The following BCL9 variants were observed in gnomAD, a reference collection of about 807,000 sequenced individuals.
The protein encoded by BCL9 is B-cell CLL/lymphoma 9 protein.
Under a neutral mutation model 88.5 loss-of-function variants are expected in BCL9, and 25 were observed. The ratio of observed to expected loss-of-function variants is 0.28; its 90% CI spans 0.21 to 0.39. BCL9 has a LOEUF of 0.39. Among genes scored for constraint, BCL9 ranks in the 10% least tolerant of loss-of-function variants. The probability of loss-of-function intolerance (pLI) is 1.00; values close to 1 mark genes in which losing one functional copy is unlikely to be tolerated. For synonymous variants in BCL9, 711 were observed against 673.3 expected, an observed-to-expected ratio of 1.06 and a Z score of -0.87; for missense variants, 1,817 against 1,877.8, an observed-to-expected ratio of 0.97 and a Z score of 0.60.
At chr1:147,581,000 G>A (rs57188402) in intron 1 of BCL9, among the ~76,000 whole-genome samples, 12,849 of 152,104 alleles carry the variant, frequency 0.084, 1,501 homozygotes, top group African/African-American at 0.27. Context: ...GATAACACTG[G>A]TGCTCCTCCC....
intron 1 of BCL9, among the ~76,000 whole-genome samples, chr1:147,596,622 C>T (rs1273880873): frequency 6.6e-6 from 1 of 151,922 alleles, no homozygotes; most frequent in Non-Finnish European, 1.5e-5. Flanking sequence ...ACCGTGTTAG[C>T]CAGGATGGTC....
At chr1:147,576,059 G>A (rs587594321) in intron 1 of BCL9, among the ~76,000 whole-genome samples, 7 of 151,976 alleles carry the variant, frequency 4.6e-5, no homozygotes, top group South Asian at 4.2e-4. Flanking sequence ...GATGCATTGC[G>A]GGGGAATAAG....
chr1:147,580,150 G>A (rs1168913944), intron 1 of BCL9, among the ~76,000 whole-genome samples: 1 of 152,198 alleles, frequency 6.6e-6, no homozygotes, highest in African/African-American at 2.4e-5. Flanking sequence ...AGGTCTTGGG[G>A]AACAGACTCT....
intron 1 of BCL9, among the ~76,000 whole-genome samples, chr1:147,596,411 C>CTTTCT (rs1657051784): frequency 1.1e-3 from 7 of 6,582 alleles, no homozygotes; most frequent in African/African-American, 1.4e-3. Context: ...TCTTTTTTTT[C>CTTTCT]TTTTCTTTTT....
At chr1:147,598,609 G>A (rs1553200715) in intron 1 of BCL9, among the ~76,000 whole-genome samples, 1 of 152,208 alleles carries the variant, frequency 6.6e-6, no homozygotes, top group East Asian at 1.9e-4. Flanking sequence ...ATGGGTGATA[G>A]AAGCAAGAGC....
intron 1 of BCL9, among the ~76,000 whole-genome samples, chr1:147,586,101 C>T (rs941888990): frequency 6.6e-6 from 1 of 152,100 alleles, no homozygotes; most frequent in Admixed American, 6.6e-5. Context: ...AACTGATCAC[C>T]TTCCTAAACT....
intron 1 of BCL9, among the ~76,000 whole-genome samples, chr1:147,588,895 A>G (rs1656728908): frequency 6.6e-6 from 1 of 152,124 alleles, no homozygotes; most frequent in Non-Finnish European, 1.5e-5. Context: ...AACATATTCA[A>G]TCCTTTCCCA....
At chr1:147,601,622 G>A (rs1281321252) in intron 1 of BCL9, among the ~76,000 whole-genome samples, 1 of 152,214 alleles carries the variant, frequency 6.6e-6, no homozygotes, top group Non-Finnish European at 1.5e-5. Context: ...TGTGCAACAT[G>A]ATTGTCCTGT....
chr1:147,614,981 G>A lies in BCL9; in HGVS notation c.560+365G>A, dbSNP rs1008757411. 2.6e-5 allele frequency among the ~76,000 whole-genome samples: 4 copies of A among 151,862 alleles called. No individual in the cohort carries two copies. The South Asian group carries it at 8.3e-4, about 32-fold the overall frequency. On this transcript the variant is annotated intron_variant, in intron 6 of 9. Coordinates refer to ENST00000234739, the MANE Select transcript of BCL9 (RefSeq NM_004326.4). ...AGCCTCTTGATTAGCTGGGATTACA[G>A]GAACCCGTCACTACACCCAGCTAAT... is the stretch of plus-strand genomic sequence containing the variant.
chr1:147,544,294 C>T (rs1225205225), intron 1 of BCL9, among the ~76,000 whole-genome samples: 1 of 152,188 alleles, frequency 6.6e-6, no homozygotes, highest in Admixed American at 6.5e-5. Context: ...GCTAACTGTT[C>T]TCTTTCTCTG....
At chr1:147,614,387 A>AATTTTATTCTTTCTGTGACGAGTC in intron 5 of BCL9, 40 bp from the exon 6 acceptor site, 1 of 1,596,324 alleles carries the variant, frequency 6.3e-7, no homozygotes, top group Non-Finnish European at 8.6e-7. Flanking sequence ...GAAGAAAGGA[A>AATTTTATTCTTTCTGTGACGAGTC]ATTTTATTCT....
chr1:147,624,351 C>G lies in BCL9; in HGVS notation c.3673C>G (p.Arg1225Gly). 6.2e-7 allele frequency: 1 copy of G among 1,614,196 alleles called. No homozygotes were observed. The highest frequency in any genetic ancestry group is 8.5e-7 in the Non-Finnish European group (1 of 1,180,040). ...FTDPDLQEVI[R>G]PGATGIPEFD... ...AGACCCAGATCTGCAGGAGGTCATC[C>G]GACCTGGAGCCACCGGAATACCTGA... is the stretch of plus-strand genomic sequence containing the variant. The change falls in exon 10 of 10, where the codon CGA (arginine) becomes GGA (glycine). Residue 1225 changes from arginine (R) to glycine (G), a missense_variant. Around this residue, in one of 2 missense-constraint regions of BCL9, gnomAD observed 589 missense variants for 686.2 expected, o/e 0.86. Transcript: ENST00000234739. This position sits in a 1 kb window ranked among gnomAD's most constrained non-coding sequence, Gnocchi z 4.4.
In BCL9 at chr1:147,622,278, C is replaced by T. The variant is rs1224548724; in HGVS notation, c.2910C>T (p.Pro970=). The change falls in exon 9 of 10, where the codon CCC becomes CCT. Residue 970 remains proline (P), a synonymous_variant. Transcript: ENST00000234739. ...AMLGNVESGG[P]PPPTASQPAS... ...TATTTTGCTTCCTTTTAGGTGGCCC[C>T]CCACCTCCTACAGCCAGCCAGCCTG... 1.4e-5 allele frequency: 23 copies of T among 1,614,098 alleles called. No homozygotes were observed. Among genetic ancestry groups the T allele is most frequent in the Non-Finnish European group, 1.3e-5 (15 of 1,179,988 alleles).
At chr1:147,565,840 G>A (rs1655571162) in intron 1 of BCL9, among the ~76,000 whole-genome samples, 2 of 152,092 alleles carry the variant, frequency 1.3e-5, no homozygotes, top group African/African-American at 2.4e-5. Context: ...ATAGCTCTTG[G>A]GACATAGTAG....
chr1:147,571,203 T>C (rs1183651069), intron 1 of BCL9, among the ~76,000 whole-genome samples: 1 of 152,130 alleles, frequency 6.6e-6, no homozygotes. Context: ...AACTTTTCAT[T>C]TTTGATTCTG....
At chr1:147,563,144 T>C (rs587620518) in intron 1 of BCL9, among the ~76,000 whole-genome samples, 1 of 152,332 alleles carries the variant, frequency 6.6e-6, no homozygotes, top group South Asian at 2.1e-4. Flanking sequence ...AGAGAGCCGT[T>C]CCTAACCAAT....
intron 1 of BCL9, among the ~76,000 whole-genome samples, chr1:147,595,085 T>G (rs1241698207): frequency 2.6e-5 from 4 of 152,224 alleles, no homozygotes; most frequent in African/African-American, 9.6e-5. Context: ...TGGAAAATGA[T>G]AGCGGCAACA....
rs1287631922 is a variant in BCL9 at position 147,625,868 on chromosome 1, A to C, written c.*909A>C. The C allele has an allele frequency of 4.3e-6, 1 of 233,018 alleles. No individual in the cohort carries two copies. The highest frequency in any genetic ancestry group is 2.2e-5 in the African/African-American group (1 of 45,294). The allele number at this position is 233,018 out of a possible 1,614,324, so 14.4% of individuals were successfully genotyped here. A position where few individuals can be genotyped will look rare whatever the true frequency, so the allele number is the denominator to read the frequency against. ...TAAATCTAGCAAAGCCTCGCCTTCCATGCCGAGCGTCCTCTTGGCTCTGAG... is the reference window on the plus strand; with the variant it reads ...TAAATCTAGCAAAGCCTCGCCTTCCCTGCCGAGCGTCCTCTTGGCTCTGAG... On this transcript the variant is annotated 3_prime_UTR_variant, in exon 10 of 10. Coordinates refer to ENST00000234739, the MANE Select transcript of BCL9 (RefSeq NM_004326.4).
chr1:147,595,253 T>C (rs1338741700), intron 1 of BCL9, among the ~76,000 whole-genome samples: 1 of 152,240 alleles, frequency 6.6e-6, no homozygotes, highest in African/African-American at 2.4e-5. Context: ...ATCTTAGCAT[T>C]AGAAATTTCC....
Sources: gnomAD v4.1 joint callset for allele counts (sites outside exome capture counted in the v4.1 genomes callset) on GRCh38, gnomAD v4.1.1 for gene constraint, gnomAD v4.1.1 regional missense constraint, Gnocchi (gnomAD v3.1) non-coding constraint, MANE v1.5 for transcripts, NCBI Gene and HGNC (gene_info 2026-07-23, HGNC 2026-07-21) for gene names.